BRWD3: variants seen among roughly 807,000 people sequenced by gnomAD.
The protein encoded by BRWD3 is bromodomain and WD repeat domain containing 3, also known as bromodomain and WD repeat-containing protein 3.
BRWD3 carries 10 observed loss-of-function variants against 149.7 expected under a neutral mutation model. The ratio of observed to expected loss-of-function variants is 0.07; its 90% confidence interval spans 0.04 to 0.11. BRWD3 has a LOEUF of 0.11. BRWD3 is among the 10% of genes least tolerant of loss of function. The pLI is 1.00. For synonymous variants in BRWD3, 504 were observed against 456.7 expected (o/e 1.10, Z -1.32); for missense variants, 940 against 1,373.2 (o/e 0.68, Z 4.99).
At position 80,691,020 on chromosome X, in the gene BRWD3, A is replaced by C. The variant is rs186335290; in HGVS notation, c.3602+33T>G. 7.5e-6 allele frequency: 9 copies of C among 1,194,482 alleles called. No individual in the cohort carries two copies. The Admixed American group carries it at 1.1e-4, about 15-fold the overall frequency. ...GGAAAGCAAAAGCCATAAAGCTATA[A>C]ATTTTATAATAAGTGATTAAAAAAA... is the stretch of plus-strand genomic sequence containing the variant. On this transcript the variant is annotated intron_variant, in intron 31 of 40. Coordinates refer to ENST00000373275, the MANE Select transcript of BRWD3 (RefSeq NM_153252.5).
intron 39 of BRWD3, 133 bp downstream of exon 39, chrX:80,681,864 T>C: frequency 1.7e-6 from 1 of 582,942 alleles, no homozygotes; most frequent in African/African-American, 2.2e-5. Flanking sequence ...GCAAGTAGAA[T>C]TGGGAATAAA....
At chrX:80,805,228 C>T (rs1415486071) in intron 4 of BRWD3, among the ~76,000 whole-genome samples, 1 of 111,109 alleles carries the variant, frequency 9.0e-6, no homozygotes, top group African/African-American at 3.3e-5. Context: ...TTTCAGAAAA[C>T]AGAAGGTAAG....
intron 20 of BRWD3, among the ~76,000 whole-genome samples, chrX:80,713,702 T>TA (rs958618408): frequency 1.4e-4 from 15 of 110,751 alleles, no homozygotes; most frequent in East Asian, 2.8e-4. Flanking sequence ...AAATAAAAAA[T>TA]AAAAAAAACA....
Position 80,670,412 on chromosome X carries a change from A to G in BRWD3, c.*6197T>C, listed in dbSNP as rs1057515994. Among the ~76,000 whole-genome samples, 2 of 110,185 alleles carry G rather than the reference A, an allele frequency of 1.8e-5. No homozygotes were observed. Among genetic ancestry groups the G allele is most frequent in the East Asian group, 5.7e-4 (2 of 3,529 alleles). On this transcript the variant is annotated 3_prime_UTR_variant, in exon 41 of 41. Coordinates refer to ENST00000373275, the MANE Select transcript of BRWD3 (RefSeq NM_153252.5). ...AACATATAATTGAGAGAGGATGGAG[A>G]GCACCTTTTTCTTGACCTTCTCAAC...
intron 6 of BRWD3, among the ~76,000 whole-genome samples, chrX:80,753,838 G>A (rs1210905249): frequency 4.5e-5 from 5 of 111,059 alleles, no homozygotes; most frequent in Non-Finnish European, 1.9e-5. Context: ...CTATAAATAT[G>A]TAGATTTATT....
At chrX:80,741,075 A>G (rs1411779400) in intron 8 of BRWD3, among the ~76,000 whole-genome samples, 2 of 108,909 alleles carry the variant, frequency 1.8e-5, no homozygotes, top group African/African-American at 6.7e-5. Flanking sequence ...CCACCCCACA[A>G]CAGGCCCTGG....
chrX:80,802,683 C>A (rs2074312874), intron 4 of BRWD3, among the ~76,000 whole-genome samples: 1 of 110,347 alleles, frequency 9.1e-6, no homozygotes, highest in African/African-American at 3.3e-5. Flanking sequence ...GGGAAATTTT[C>A]ATTTTATAAT....
At position 80,671,784 on chromosome X, in the gene BRWD3, T is replaced by C. The variant is rs2072325179; in HGVS notation, c.*4825A>G. The C allele has an allele frequency of 8.9e-6, 1 of 111,787 alleles. No individual in the cohort carries two copies. Among genetic ancestry groups the C allele is most frequent in the Non-Finnish European group, 1.9e-5 (1 of 53,134 alleles). 9.2% of individuals were successfully genotyped at this position (111,787 alleles called of 1,213,427 possible). ...AACTGATTTTCCATCTTAAAATGTA[T>C]GGATACCAAGAACAAAAAAAAGGTA... is the stretch of plus-strand genomic sequence containing the variant. On this transcript the variant is annotated 3_prime_UTR_variant, in exon 41 of 41. Coordinates refer to ENST00000373275, the MANE Select transcript of BRWD3 (RefSeq NM_153252.5).
intron 4 of BRWD3, among the ~76,000 whole-genome samples, chrX:80,800,444 G>A (rs1243579134): frequency 9.4e-6 from 1 of 105,926 alleles, no homozygotes; most frequent in African/African-American, 3.5e-5. Context: ...AGAGGCTGAG[G>A]TGGGAGGATT....
intron 6 of BRWD3, among the ~76,000 whole-genome samples, chrX:80,771,307 A>C (rs1414685072): frequency 2.7e-5 from 3 of 111,744 alleles, no homozygotes; most frequent in Non-Finnish European, 3.8e-5. Flanking sequence ...ATCCTAAGCA[A>C]AAAGAACAAA....
At chrX:80,700,450 A>AT (rs1482829141) in intron 24 of BRWD3, among the ~76,000 whole-genome samples, 2 of 99,591 alleles carry the variant, frequency 2.0e-5, no homozygotes, top group African/African-American at 3.6e-5. Flanking sequence ...ATAACAATAC[A>AT]ATTAGGCCGG....
chrX:80,710,691 G>T, intron 20 of BRWD3: 1 of 802,930 alleles, frequency 1.2e-6, no homozygotes, highest in Non-Finnish European at 1.8e-6. Flanking sequence ...AAAGGCTGAT[G>T]AACCAATGGA....
intron 20 of BRWD3, among the ~76,000 whole-genome samples, chrX:80,711,994 T>C (rs2072975785): frequency 8.9e-6 from 1 of 112,047 alleles, no homozygotes; most frequent in Admixed American, 9.4e-5. Flanking sequence ...AATAAATCTC[T>C]TCAAATATTT....
At position 80,745,591 on chromosome X, in the gene BRWD3, C is replaced by T; in HGVS notation, c.569G>A (p.Arg190Gln). The T allele has an allele frequency of 1.7e-6, 2 of 1,209,435 alleles. No homozygotes were observed. The highest frequency in any genetic ancestry group is 2.2e-6 in the Non-Finnish European group (2 of 894,247). Reference sequence around the variant, plus strand: ...CACTGTAAAAATTCTTCTCCCGCTTCGGTCAAATGCTACACAGTAGACAGA... The same window carrying T: ...CACTGTAAAAATTCTTCTCCCGCTTTGGTCAAATGCTACACAGTAGACAGA... ...LSSVYCVAFD[R>Q]SGRRIFTGSD... is the part of the protein sequence containing the mutation. The change falls in exon 7 of 41, where the codon CGA becomes CAA. Residue 190 changes from arginine (R) to glutamine (Q), a missense_variant. Physicochemically the swap from Arg to Gln is conservative, Grantham distance 43. Transcript: ENST00000373275.
At chrX:80,797,177 T>C (rs767968836) in intron 4 of BRWD3, among the ~76,000 whole-genome samples, 1 of 112,142 alleles carries the variant, frequency 8.9e-6, no homozygotes, top group Admixed American at 9.5e-5. Flanking sequence ...AAAAAAAGTC[T>C]TAAGGTGCTG....
At chrX:80,680,969 C>CTT (rs904634410) in intron 40 of BRWD3, among the ~76,000 whole-genome samples, 1,289 of 74,741 alleles carry the variant, frequency 0.017, 81 homozygotes, top group African/African-American at 0.061. Context: ...CATGTGGCTA[C>CTT]TTTTTTTTTT....
Position 80,691,063 on chromosome X carries a change from G to T in BRWD3, c.3592C>A (p.Arg1198Ser). The change falls in exon 31 of 41, where the codon CGC becomes AGC. Residue 1198 changes from arginine (R) to serine (S), a missense_variant. By Grantham distance (110) the Arg-to-Ser change is moderately radical (BLOSUM62 -1). Coordinates refer to ENST00000373275, the MANE Select transcript of BRWD3 (RefSeq NM_153252.5). Reference sequence around the variant, plus strand: ...TAAAAAAAAACAGACCTGTAAAAGCGATTTTCAAGTCTCCGCCTGATGGTA... The same window carrying T: ...TAAAAAAAAACAGACCTGTAAAAGCTATTTTCAAGTCTCCGCCTGATGGTA... ...LNTIRRRLEN[R>S]FYRRISALMW... 8.3e-7 allele frequency: 1 copy of T among 1,208,532 alleles called. No individual in the cohort carries two copies. The highest frequency in any genetic ancestry group is 1.1e-6 in the Non-Finnish European group (1 of 893,833).
intron 6 of BRWD3, among the ~76,000 whole-genome samples, chrX:80,766,671 G>C (rs543533584): frequency 1.8e-5 from 2 of 111,866 alleles, no homozygotes; most frequent in South Asian, 7.5e-4. Flanking sequence ...GAACAGCTCC[G>C]GTCTGCAGCT....
intron 6 of BRWD3, among the ~76,000 whole-genome samples, chrX:80,779,573 G>A (rs1019740547): frequency 9.0e-6 from 1 of 111,231 alleles, no homozygotes; most frequent in Non-Finnish European, 1.9e-5. Flanking sequence ...AAATTAGCCA[G>A]GCATGGCAGT....
Sources: gnomAD v4.1 joint callset for allele counts (sites outside exome capture counted in the v4.1 genomes callset) on GRCh38, gnomAD v4.1.1 for gene constraint, MANE v1.5 for transcripts, NCBI Gene and HGNC (gene_info 2026-07-23, HGNC 2026-07-21) for gene names.